Variants in STK32B observed in about 807,000 individuals in gnomAD.
STK32B encodes serine/threonine-protein kinase 32B.
In STK32B, 43 loss-of-function variants were observed where a neutral mutation model predicts 52.6. The observed-to-expected ratio is 0.82, with a 90% CI of 0.64 to 1.05. STK32B has a LOEUF of 1.05. Among genes scored for constraint, STK32B ranks in the 50% least tolerant of loss-of-function variants. The pLI is 0.00. For missense variants in STK32B, 621 were observed against 534.6 expected, an observed-to-expected ratio of 1.16 and a Z score of -1.59; for synonymous variants, 238 against 204.3, an observed-to-expected ratio of 1.17 and a Z score of -1.41.
chr4:5,443,407 G>A, intron 6 of STK32B, among the ~76,000 whole-genome samples: 1 of 151,916 alleles, frequency 6.6e-6, no homozygotes, highest in East Asian at 1.9e-4. Flanking sequence ...GGCTCCTGAG[G>A]CTTCTGCATT....
intron 11 of STK32B, among the ~76,000 whole-genome samples, chr4:5,496,020 G>A (rs1720210339): frequency 1.3e-5 from 2 of 152,206 alleles, no homozygotes; most frequent in African/African-American, 4.8e-5. Flanking sequence ...CTGCTCGGGG[G>A]CAGGGGTCAG....
intron 4 of STK32B, among the ~76,000 whole-genome samples, chr4:5,397,081 T>A (rs17457282): frequency 5.9e-5 from 9 of 152,202 alleles, no homozygotes; most frequent in Non-Finnish European, 1.5e-5. Context: ...CCCGTAGATA[T>A]TGCATTGCAT....
intron 7 of STK32B, among the ~76,000 whole-genome samples, chr4:5,450,139 A>G (rs946746375): frequency 6.6e-6 from 1 of 152,140 alleles, no homozygotes; most frequent in Non-Finnish European, 1.5e-5. Flanking sequence ...AAGAGACCTA[A>G]GTAGGATCCA....
At position 5,194,028 on chromosome 4, in the gene STK32B, A is replaced by G. The variant is rs1423544428; in HGVS notation, c.260+25578A>G. On this transcript the variant is annotated intron_variant, in intron 3 of 11. Transcript: ENST00000282908. ...CTGAGCATTCTTAAAGAGGGTCCACAGTTTGTTCATTTCAGGGAGGCCGTC... is the reference window on the plus strand; with the variant it reads ...CTGAGCATTCTTAAAGAGGGTCCACGGTTTGTTCATTTCAGGGAGGCCGTC... Among the ~76,000 whole-genome samples, 6 of 152,190 alleles carry G rather than the reference A, an allele frequency of 3.9e-5. No homozygotes were observed. The East Asian group carries it at 7.7e-4, about 20-fold the overall frequency.
intron 3 of STK32B, among the ~76,000 whole-genome samples, chr4:5,215,868 G>T (rs1246854370): frequency 6.6e-6 from 1 of 152,096 alleles, no homozygotes; most frequent in Non-Finnish European, 1.5e-5. Flanking sequence ...CTGCCTCTTG[G>T]CCAGAAGATG....
the STK32B span, among the ~76,000 whole-genome samples, chr4:5,046,451 C>A: frequency 6.6e-6 from 1 of 152,138 alleles, no homozygotes; most frequent in African/African-American, 2.4e-5. Context: ...AGGACATAAG[C>A]ATGGGCAAAG....
chr4:5,238,841 C>G (rs945784870), intron 3 of STK32B, among the ~76,000 whole-genome samples: 27 of 152,184 alleles, frequency 1.8e-4, no homozygotes, highest in African/African-American at 6.3e-4. Flanking sequence ...TGCCAGTGTT[C>G]CTGCCCTCAA....
At chr4:5,478,635 G>C (rs1309761525) in intron 11 of STK32B, among the ~76,000 whole-genome samples, 1 of 152,206 alleles carries the variant, frequency 6.6e-6, no homozygotes, top group African/African-American at 2.4e-5. Context: ...TAGAGTCCCA[G>C]AGAAAACACT....
intron 1 of STK32B, among the ~76,000 whole-genome samples, chr4:5,067,308 G>C (rs1742461643): frequency 6.6e-6 from 1 of 152,130 alleles, no homozygotes. Context: ...AATTATGGGA[G>C]CTACAATTCA....
At chr4:5,203,330 T>A (rs1722303036) in intron 3 of STK32B, among the ~76,000 whole-genome samples, 1 of 152,196 alleles carries the variant, frequency 6.6e-6, no homozygotes, top group South Asian at 2.1e-4. Context: ...ATCTTCTCAT[T>A]CATTCATTTA....
At chr4:5,355,336 T>C (rs1401467020) in intron 4 of STK32B, among the ~76,000 whole-genome samples, 1 of 152,178 alleles carries the variant, frequency 6.6e-6, no homozygotes, top group Non-Finnish European at 1.5e-5. Context: ...ACTTGACTCT[T>C]GCAACCCTCG....
At chr4:5,208,238 C>T (rs1560227068) in intron 3 of STK32B, among the ~76,000 whole-genome samples, 1 of 152,104 alleles carries the variant, frequency 6.6e-6, no homozygotes, top group Non-Finnish European at 1.5e-5. Context: ...TTTATTTTCC[C>T]CATCAGTTAG....
At chr4:5,417,039 C>T in intron 6 of STK32B, 105 bp downstream of exon 6, 1 of 1,003,602 alleles carries the variant, frequency 1.0e-6, no homozygotes, top group Non-Finnish European at 1.5e-6. Context: ...CATACCCTCC[C>T]ATGCTCACAT....
At chr4:5,211,688 C>G (rs186723646) in intron 3 of STK32B, among the ~76,000 whole-genome samples, 16 of 152,130 alleles carry the variant, frequency 1.1e-4, no homozygotes, top group Non-Finnish European at 8.8e-5. Context: ...TGCAATGACC[C>G]CATGAGGTCA....
intron 1 of STK32B, among the ~76,000 whole-genome samples, chr4:5,074,188 ATGTG>A (rs34284353): frequency 2.7e-5 from 4 of 148,878 alleles, no homozygotes; most frequent in Admixed American, 6.7e-5. Flanking sequence ...AAATATATAT[ATGTG>A]TGTGTGTGTG....
In STK32B at chr4:5,141,157, T is replaced by C. The variant is rs369416982; in HGVS notation, c.108+1197T>C. ...CACAGCACACTAGCTGCATTTTAAG[T>C]GCTCAGTAGCCACGTGTAGCCAGTG... On this transcript the variant is annotated intron_variant, in intron 2 of 11. Coordinates refer to ENST00000282908, the MANE Select transcript of STK32B (RefSeq NM_018401.3). 3.3e-5 allele frequency among the ~76,000 whole-genome samples: 5 copies of C among 152,324 alleles called. No homozygotes were observed. The East Asian group carries it at 7.7e-4, about 24-fold the overall frequency.
chr4:5,276,455 T>C (rs987230292), intron 3 of STK32B, among the ~76,000 whole-genome samples: 1 of 152,134 alleles, frequency 6.6e-6, no homozygotes, highest in African/African-American at 2.4e-5. Context: ...AGACACTTCT[T>C]GGGGCTATGA....
chr4:5,455,650 T>A (rs1716438773), intron 7 of STK32B, among the ~76,000 whole-genome samples: 1 of 152,100 alleles, frequency 6.6e-6, no homozygotes, highest in Non-Finnish European at 1.5e-5. Flanking sequence ...GATCCCAGTA[T>A]GGCGTCTGAC....
intron 11 of STK32B, among the ~76,000 whole-genome samples, chr4:5,477,164 A>G (rs983625017): frequency 6.6e-6 from 1 of 152,112 alleles, no homozygotes. Context: ...GTAACCCTCG[A>G]TTTCTCCTCA....
Sources: allele counts gnomAD v4.1 joint callset (sites outside exome capture counted in the v4.1 genomes callset), GRCh38; gene constraint gnomAD v4.1.1; transcripts MANE v1.5; gene names NCBI Gene and HGNC (gene_info 2026-07-23, HGNC 2026-07-21).